Variants in PDE3A observed in about 807,000 individuals in gnomAD.
PDE3A encodes phosphodiesterase 3A.
Under a neutral mutation model 98.3 loss-of-function variants are expected in PDE3A, and 43 were observed. The ratio of observed to expected loss-of-function variants is 0.44; its 90% CI spans 0.34 to 0.56. PDE3A has a LOEUF of 0.56. PDE3A is among the 20% of genes least tolerant of loss of function. PDE3A has a pLI of 0.01. For missense variants in PDE3A, 1,427 were observed against 1,440.7 expected, an observed-to-expected ratio of 0.99 and a Z score of 0.15; for synonymous variants, 663 against 567.9, an observed-to-expected ratio of 1.17 and a Z score of -2.38.
intron 2 of PDE3A, among the ~76,000 whole-genome samples, chr12:20,559,657 C>T (rs527440773): frequency 2.7e-5 from 4 of 147,648 alleles, no homozygotes; most frequent in Non-Finnish European, 6.0e-5. Flanking sequence ...GGCAACAGAA[C>T]GAGACCCCAT....
intron 1 of PDE3A, among the ~76,000 whole-genome samples, chr12:20,546,061 C>T (rs1206659781): frequency 1.3e-5 from 2 of 151,842 alleles, no homozygotes; most frequent in South Asian, 2.1e-4. Flanking sequence ...TTTACCCACA[C>T]GAGGCTGATG....
chr12:20,578,229 G>A (rs1002072048), intron 2 of PDE3A, among the ~76,000 whole-genome samples: 1 of 152,008 alleles, frequency 6.6e-6, no homozygotes, highest in African/African-American at 2.4e-5. Context: ...TCAATTCAAG[G>A]ACCGTGTCAG....
At chr12:20,609,632 T>G (rs1943798588) in intron 2 of PDE3A, among the ~76,000 whole-genome samples, 1 of 152,028 alleles carries the variant, frequency 6.6e-6, no homozygotes, top group Admixed American at 6.6e-5. Flanking sequence ...GGCATTACAC[T>G]TTCTGATTTA....
chr12:20,654,560 G>A (rs1266519348), intron 15 of PDE3A, among the ~76,000 whole-genome samples: 1 of 151,358 alleles, frequency 6.6e-6, no homozygotes, highest in Non-Finnish European at 1.5e-5. Context: ...GCAGTGGCAC[G>A]ATCTCGGCTC....
At chr12:20,676,388 C>T (rs1945639541) in intron 15 of PDE3A, among the ~76,000 whole-genome samples, 1 of 151,892 alleles carries the variant, frequency 6.6e-6, no homozygotes, top group Non-Finnish European at 1.5e-5. Context: ...ATCCCATTAT[C>T]TCCTGGACTG....
intron 1 of PDE3A, among the ~76,000 whole-genome samples, chr12:20,410,079 T>C (rs1944306176): frequency 6.6e-6 from 1 of 152,252 alleles, no homozygotes; most frequent in Non-Finnish European, 1.5e-5. Flanking sequence ...CAAGTCTTGC[T>C]GTCCCCAGGC....
chr12:20,633,982 G>A (rs984299628), intron 7 of PDE3A, among the ~76,000 whole-genome samples: 1 of 152,100 alleles, frequency 6.6e-6, no homozygotes, highest in African/African-American at 2.4e-5. Flanking sequence ...TTACAGGCAT[G>A]AGCCACTGTG....
chr12:20,606,613 C>T (rs775628949), intron 2 of PDE3A, among the ~76,000 whole-genome samples: 8 of 151,926 alleles, frequency 5.3e-5, no homozygotes, highest in Admixed American at 1.3e-4. Context: ...AATCCCAGGA[C>T]TTTGGGAGGC....
chr12:20,483,448 A>G (rs11045279), intron 1 of PDE3A, among the ~76,000 whole-genome samples: 44,123 of 152,082 alleles, frequency 0.29, 7,152 homozygotes, highest in Non-Finnish European at 0.36. Flanking sequence ...ATTCTGGCAA[A>G]TGACTTGCAA....
chr12:20,421,251 G>C (rs1292948036), intron 1 of PDE3A, among the ~76,000 whole-genome samples: 1 of 151,866 alleles, frequency 6.6e-6, no homozygotes, highest in East Asian at 1.9e-4. Flanking sequence ...TTTCAAAAGT[G>C]GATTTTTCTG....
Position 20,386,122 on chromosome 12 carries a change from A to AAT in PDE3A, c.960+15886_960+15887dup, listed in dbSNP as rs1194188246. Among the ~76,000 whole-genome samples, 73 of 19,932 alleles carry AAT rather than the reference A, an allele frequency of 3.7e-3. 4 individuals are homozygous for AAT. Among genetic ancestry groups the AAT allele is most frequent in the African/African-American group, 7.6e-3 (63 of 8,238 alleles). The allele number at this position is 19,932 out of a possible 152,430, so 13.1% of individuals were successfully genotyped here. ...ATAAATATATATATAAATATATATAAATATATATAAATATATATAAATATA... is the reference window on the plus strand; with the variant it reads ...ATAAATATATATATAAATATATATAAATATATATATAAATATATATAAATATA... On this transcript the variant is annotated intron_variant, in intron 1 of 15. Coordinates refer to ENST00000359062, the MANE Select transcript of PDE3A (RefSeq NM_000921.5).
intron 1 of PDE3A, among the ~76,000 whole-genome samples, chr12:20,412,242 TTG>T (rs1944347067): frequency 6.6e-6 from 1 of 151,940 alleles, no homozygotes; most frequent in African/African-American, 2.4e-5. Context: ...TAAATATTTG[TTG>T]TGTTAGTGGC....
At chr12:20,516,966 G>GT (rs1946333298) in intron 1 of PDE3A, among the ~76,000 whole-genome samples, 1 of 152,146 alleles carries the variant, frequency 6.6e-6, no homozygotes, top group Non-Finnish European at 1.5e-5. Context: ...AGAGCATCTT[G>GT]TTTTACCCCT....
intron 1 of PDE3A, among the ~76,000 whole-genome samples, chr12:20,402,808 T>A (rs1944157793): frequency 6.6e-6 from 1 of 152,202 alleles, no homozygotes; most frequent in East Asian, 1.9e-4. Flanking sequence ...TGTACAAGAA[T>A]AACCCTTCAG....
intron 2 of PDE3A, among the ~76,000 whole-genome samples, chr12:20,583,243 A>G (rs1298064250): frequency 1.3e-5 from 2 of 152,166 alleles, no homozygotes; most frequent in Non-Finnish European, 2.9e-5. Context: ...ACCAAAATCT[A>G]ATAAAAATTC....
At chr12:20,648,560 G>C in intron 12 of PDE3A, 128 bp from the exon 13 acceptor site, 3 of 658,434 alleles carry the variant, frequency 4.6e-6, no homozygotes, top group Non-Finnish European at 5.5e-6. Flanking sequence ...TTCTTAATAA[G>C]CAGGAGTTAC....
At chr12:20,486,718 C>T (rs1011606603) in intron 1 of PDE3A, among the ~76,000 whole-genome samples, 1 of 152,176 alleles carries the variant, frequency 6.6e-6, no homozygotes, top group Admixed American at 6.5e-5. Flanking sequence ...ACTGCAACCC[C>T]CGCCTTCCAG....
intron 1 of PDE3A, among the ~76,000 whole-genome samples, chr12:20,531,102 C>T (rs1941586519): frequency 6.6e-6 from 1 of 152,182 alleles, no homozygotes; most frequent in Admixed American, 6.5e-5. Flanking sequence ...CACAGCTCCC[C>T]TCTTAGCTTC....
At chr12:20,599,381 C>T (rs1943537518) in intron 2 of PDE3A, among the ~76,000 whole-genome samples, 2 of 152,126 alleles carry the variant, frequency 1.3e-5, no homozygotes, top group South Asian at 4.1e-4. Context: ...TCAACCGGGC[C>T]TTTGTATTGC....
Sources: allele counts gnomAD v4.1 joint callset (sites outside exome capture counted in the v4.1 genomes callset), GRCh38; gene constraint gnomAD v4.1.1; transcripts MANE v1.5; gene names NCBI Gene and HGNC (gene_info 2026-07-23, HGNC 2026-07-21).